The following SLC12A6 variants were observed in gnomAD, a reference collection of about 807,000 sequenced individuals.
SLC12A6 encodes the protein solute carrier family 12 member 6.
In SLC12A6, 66 loss-of-function variants were observed where a neutral mutation model predicts 135.3. The ratio of observed to expected loss-of-function variants is 0.49; its 90% CI spans 0.40 to 0.60. The LOEUF (loss-of-function observed/expected upper bound fraction) is 0.60, where lower values mean the gene tolerates loss of function less well. Among genes scored for constraint, SLC12A6 ranks in the 20% least tolerant of loss-of-function variants. The pLI, the probability that SLC12A6 is intolerant of heterozygous loss-of-function variation, is 0.00. For missense variants in SLC12A6, 1,058 were observed against 1,452.3 expected (o/e 0.73, Z 4.41); for synonymous variants, 513 against 508.8 (o/e 1.01, Z -0.11).
intron 3 of SLC12A6, among the ~76,000 whole-genome samples, chr15:34,268,290 C>A (rs182175385): frequency 6.6e-6 from 1 of 152,280 alleles, no homozygotes; most frequent in Admixed American, 6.5e-5. Flanking sequence ...CATTTGCTTG[C>A]TTACTTTTTT....
chr15:34,254,058 A>AT (rs1156485880), intron 9 of SLC12A6, among the ~76,000 whole-genome samples: 19 of 152,010 alleles, frequency 1.2e-4, no homozygotes, highest in Admixed American at 1.2e-3. Context: ...CAAAATGTGT[A>AT]TAATAAAAAA....
chr15:34,250,908 A>G lies in SLC12A6; in HGVS notation c.1483T>C (p.Ser495Pro). 1.2e-6 allele frequency: 2 copies of G among 1,611,772 alleles called. No individual in the cohort carries two copies. The highest frequency in any genetic ancestry group is 2.2e-5 in the South Asian group (2 of 91,038). ...FTLLVGIFFP[S>P]VTGIMAGSNR... ...CAGCCTATGTGTTTACCTGTAACAGAGGGAAAGAAGATTCCCACCAGAAGC... is the reference window on the plus strand; with the variant it reads ...CAGCCTATGTGTTTACCTGTAACAGGGGGAAAGAAGATTCCCACCAGAAGC... Residue 495 changes from serine to proline, a missense_variant, in exon 11 of 26, where the codon TCT (serine) becomes CCT (proline). By Grantham distance (74) the Ser-to-Pro change is moderately conservative. This residue lies in a region of SLC12A6 where 297 missense variants were observed against 318.5 expected (regional missense o/e 0.93). Transcript: ENST00000354181.
At chr15:34,274,742 G>T (rs1894184919) in intron 3 of SLC12A6, among the ~76,000 whole-genome samples, 1 of 152,120 alleles carries the variant, frequency 6.6e-6, no homozygotes, top group South Asian at 2.1e-4. Context: ...GAACCTGGGA[G>T]GCGGAGCTTG....
intron 2 of SLC12A6, among the ~76,000 whole-genome samples, chr15:34,286,221 G>A (rs147575239): frequency 6.6e-6 from 1 of 151,704 alleles, no homozygotes; most frequent in Non-Finnish European, 1.5e-5. Flanking sequence ...TTACAGGCAC[G>A]TGCCACCATG....
chr15:34,229,789 A>T lies in SLC12A6; in HGVS notation c.*4092T>A, dbSNP rs1890795005. ...CAGTGGTGGAGGACTGCTTTTGTGA[A>T]CATGAGAAAGCAGCGCCTGGTCCCT... is the stretch of plus-strand genomic sequence containing the variant. On this transcript the variant is annotated 3_prime_UTR_variant, in exon 26 of 26. Coordinates refer to ENST00000354181, the MANE Select transcript of SLC12A6 (RefSeq NM_001365088.1). 1 of 1,610,162 alleles carries T rather than the reference A, an allele frequency of 6.2e-7. No homozygotes were observed. The highest frequency in any genetic ancestry group is 1.3e-5 in the African/African-American group (1 of 74,724).
intron 2 of SLC12A6, among the ~76,000 whole-genome samples, chr15:34,318,221 A>C (rs1398365850): frequency 6.6e-6 from 1 of 152,244 alleles, no homozygotes; most frequent in Non-Finnish European, 1.5e-5. Flanking sequence ...AGTCTTTTCC[A>C]GATATAATCT....
At chr15:34,242,628 A>G (rs59626327) in intron 16 of SLC12A6, among the ~76,000 whole-genome samples, 2,387 of 152,338 alleles carry the variant, frequency 0.016, 68 homozygotes, top group African/African-American at 0.055. Context: ...AGGATGGGAC[A>G]CGCAGCCAGA....
chr15:34,317,125 A>G (rs1888705262), intron 2 of SLC12A6, among the ~76,000 whole-genome samples: 1 of 152,244 alleles, frequency 6.6e-6, no homozygotes, highest in Admixed American at 6.5e-5. Flanking sequence ...AAAGCAGATT[A>G]AACTTGCTTT....
chr15:34,336,875 T>C, intron 1 of SLC12A6, 123 bp from the exon 2 acceptor site: 1 of 624,018 alleles, frequency 1.6e-6, no homozygotes, highest in Non-Finnish European at 2.8e-6. Context: ...AGAAAGTGCA[T>C]CACCAATAGG....
In SLC12A6 at chr15:34,310,524, T is replaced by C. The variant is rs112551465; in HGVS notation, c.271+25886A>G. On this transcript the variant is annotated intron_variant, in intron 2 of 25. Coordinates refer to ENST00000354181, the MANE Select transcript of SLC12A6 (RefSeq NM_001365088.1). ...TATGTGTGTGTCCCCGTGGCCAGGC[T>C]AGTGTTGAACTCCTGGGCTCAACTG... Among the ~76,000 whole-genome samples, 97 of 113,024 alleles carry C rather than the reference T, an allele frequency of 8.6e-4. 11 individuals carry two copies. Among genetic ancestry groups the C allele is most frequent in the African/African-American group, 4.0e-3 (92 of 22,854 alleles). 74.1% of individuals were successfully genotyped at this position (113,024 alleles called of 152,430 possible).
intron 2 of SLC12A6, among the ~76,000 whole-genome samples, chr15:34,283,581 G>A (rs1477207228): frequency 6.6e-6 from 1 of 151,990 alleles, no homozygotes; most frequent in Non-Finnish European, 1.5e-5. Flanking sequence ...CCTAAGATGG[G>A]AATCAGCTTG....
Position 34,245,381 on chromosome 15 carries a change from T to C in SLC12A6, c.1847A>G (p.Asn616Ser), listed in dbSNP as rs201468351. ...FLRVFGHSKANGEPTWALLLT... is the reference protein window; with the variant it reads ...FLRVFGHSKASGEPTWALLLT... The stretch of plus-strand genomic sequence containing the variant: ...AAGTAAAGCCCAGGTAGGTTCCCCA[T>C]TGGCTTTGCTGTGGCCAAAAACCTG... The change falls in exon 15 of 26, where the codon AAT becomes AGT. Residue 616 changes from asparagine (N) to serine (S), a missense_variant. Physicochemically the swap from Asn to Ser is conservative, Grantham distance 46. Coordinates refer to ENST00000354181, the MANE Select transcript of SLC12A6 (RefSeq NM_001365088.1). 3 of 1,611,770 alleles carry C rather than the reference T, an allele frequency of 1.9e-6. No homozygotes were observed. The highest frequency in any genetic ancestry group is 1.6e-4 in the Middle Eastern group (1 of 6,062).
chr15:34,290,699 T>C (rs1895457241), intron 2 of SLC12A6, among the ~76,000 whole-genome samples: 1 of 152,232 alleles, frequency 6.6e-6, no homozygotes, highest in African/African-American at 2.4e-5. Flanking sequence ...TTAGCTCTTC[T>C]TGTTGAATTG....
chr15:34,271,331 C>A (rs1038471205), intron 3 of SLC12A6, among the ~76,000 whole-genome samples: 1 of 150,724 alleles, frequency 6.6e-6, no homozygotes, highest in East Asian at 1.9e-4. Context: ...GCAAATATTT[C>A]GTTCAGGATT....
intron 2 of SLC12A6, among the ~76,000 whole-genome samples, chr15:34,299,943 C>T (rs1896126912): frequency 6.6e-6 from 1 of 151,734 alleles, no homozygotes; most frequent in African/African-American, 2.4e-5. Context: ...GGAGGTTAGA[C>T]AAAAAATAAC....
chr15:34,306,515 G>A (rs536533370), intron 2 of SLC12A6, among the ~76,000 whole-genome samples: 9 of 152,244 alleles, frequency 5.9e-5, no homozygotes, highest in African/African-American at 1.9e-4. Flanking sequence ...AACTCTCCCT[G>A]ACAGAGTTCT....
rs1425362188 is a variant in SLC12A6 at position 34,265,531 on chromosome 15, G to A, written c.317-4511C>T. 2.0e-5 allele frequency among the ~76,000 whole-genome samples: 3 copies of A among 152,180 alleles called. No individual in the cohort carries two copies. In the East Asian group the frequency reaches 5.8e-4, roughly 29 times the overall value. ...AGAGACTGTGACTAGGGAGGGGAAT[G>A]ACGACTTCATGTAAGATCATTGGTG... On this transcript the variant is annotated intron_variant, in intron 3 of 25. Coordinates refer to ENST00000354181, the MANE Select transcript of SLC12A6 (RefSeq NM_001365088.1).
chr15:34,243,688 A>G (rs1891799127), intron 16 of SLC12A6, among the ~76,000 whole-genome samples: 1 of 152,232 alleles, frequency 6.6e-6, no homozygotes, highest in South Asian at 2.1e-4. Flanking sequence ...CAAACAGGAA[A>G]ATAAACATGC....
chr15:34,278,707 A>AT (rs1349167585), intron 2 of SLC12A6, among the ~76,000 whole-genome samples: 1 of 151,750 alleles, frequency 6.6e-6, no homozygotes, highest in Non-Finnish European at 1.5e-5. Context: ...AGCAGCTGGG[A>AT]TTATAGGTGC....
Sources: gnomAD v4.1 joint callset for allele counts (sites outside exome capture counted in the v4.1 genomes callset) on GRCh38, gnomAD v4.1.1 for gene constraint, gnomAD v4.1.1 regional missense constraint, MANE v1.5 for transcripts, NCBI Gene and HGNC (gene_info 2026-07-23, HGNC 2026-07-21) for gene names.